The following MPHOSPH8 variants were observed in gnomAD, a reference collection of about 807,000 sequenced individuals.
MPHOSPH8 encodes M-phase phosphoprotein 8.
MPHOSPH8 carries 45 observed loss-of-function variants against 87.3 expected under a neutral mutation model. The observed-to-expected ratio is 0.52, with a 90% CI of 0.41 to 0.66. The LOEUF (loss-of-function observed/expected upper bound fraction) is 0.66, where lower values mean the gene tolerates loss of function less well. Among genes scored for constraint, MPHOSPH8 ranks in the 30% least tolerant of loss-of-function variants. The pLI is 0.00. For synonymous variants in MPHOSPH8, 366 were observed against 376.9 expected (o/e 0.97, Z 0.33); for missense variants, 883 against 1,020.2 (o/e 0.87, Z 1.83).
At position 19,633,913 on chromosome 13, in the gene MPHOSPH8, A is replaced by T. The variant is rs571555886; in HGVS notation, c.165A>T (p.Gly55=). ...AEAFGDSEED[G]EDVFEVEKIL... ...CCTTTGGCGACAGTGAGGAGGACGG[A>T]GAGGATGTGTTCGAGGTGGAGAAGA... The change falls in exon 1 of 14, where the codon GGA becomes GGT. Residue 55 remains glycine (G), a synonymous_variant. Coordinates refer to ENST00000361479, the MANE Select transcript of MPHOSPH8 (RefSeq NM_017520.4). 1 of 1,611,616 alleles carries T rather than the reference A, an allele frequency of 6.2e-7. No homozygotes were observed. The highest frequency in any genetic ancestry group is 1.3e-5 in the African/African-American group (1 of 75,020).
rs1393043453 is a variant in MPHOSPH8 at position 19,661,765 on chromosome 13, T to A, written c.1859T>A (p.Leu620His). 6.2e-7 allele frequency: 1 copy of A among 1,613,258 alleles called. No homozygotes were observed. The highest frequency in any genetic ancestry group is 1.1e-5 in the South Asian group (1 of 90,896). Residue 620 changes from leucine (L) to histidine (H), a missense_variant, in exon 8 of 14, where the codon CTC (leucine) becomes CAC (histidine). Coordinates refer to ENST00000361479, the MANE Select transcript of MPHOSPH8 (RefSeq NM_017520.4). ...AGGQDDLLRL[L>H]ITKGAKVNGR... ...GGGCAGGACGACCTCCTGCGACTCC[T>A]CATCACAAAAGGCGCGAAAGTGAAC...
intron 2 of MPHOSPH8, 77 bp from the exon 3 acceptor site, chr13:19,646,366 A>G (rs748566749): frequency 8.4e-7 from 1 of 1,194,452 alleles, no homozygotes; most frequent in Non-Finnish European, 1.1e-6. Context: ...TTCTTACCAA[A>G]TTTCATTAGT....
At chr13:19,651,618 C>CAGG (rs1874855827) in intron 5 of MPHOSPH8, among the ~76,000 whole-genome samples, 1 of 151,886 alleles carries the variant, frequency 6.6e-6, no homozygotes, top group Non-Finnish European at 1.5e-5. Context: ...TCAATAAGCC[C>CAGG]AGGAGTTTGA....
intron 4 of MPHOSPH8, 44 bp from the exon 5 acceptor site, chr13:19,649,959 A>G (rs1433046908): frequency 1.7e-5 from 25 of 1,445,554 alleles, no homozygotes; most frequent in Non-Finnish European, 2.2e-5. Context: ...TGTAACAGAA[A>G]TTTGTGACTC....
chr13:19,651,080 T>G (rs989999067), intron 5 of MPHOSPH8, among the ~76,000 whole-genome samples: 3 of 152,236 alleles, frequency 2.0e-5, no homozygotes, highest in African/African-American at 7.2e-5. Context: ...GGAACATCAG[T>G]AAAGCCAGAA....
chr13:19,672,111 T>C lies in MPHOSPH8; in HGVS notation c.*236T>C. ...TTCAGTTTTTCCACAATGTGGATAG[T>C]ACATATGAGGATTATTTAAGAAAAT... is the stretch of plus-strand genomic sequence containing the variant. On this transcript the variant is annotated 3_prime_UTR_variant, in exon 14 of 14. Coordinates refer to ENST00000361479, the MANE Select transcript of MPHOSPH8 (RefSeq NM_017520.4). 2.1e-6 allele frequency: 1 copy of C among 486,726 alleles called. No individual in the cohort carries two copies. 30.2% of individuals were successfully genotyped at this position (486,726 alleles called of 1,614,324 possible).
At chr13:19,661,900 AG>A in intron 8 of MPHOSPH8, 62 bp downstream of exon 8, 1 of 1,510,170 alleles carries the variant, frequency 6.6e-7, no homozygotes. Flanking sequence ...ATGGACTGAG[AG>A]GATCTCTTTG....
intron 5 of MPHOSPH8, among the ~76,000 whole-genome samples, chr13:19,655,823 G>T (rs1460468538): frequency 6.6e-6 from 1 of 152,152 alleles, no homozygotes. Context: ...ACGGGGAGGG[G>T]AAATAGCTGT....
rs1055565482 is a variant in MPHOSPH8 at position 19,657,219 on chromosome 13, G to C, written c.1577-1776G>C. 4.3e-4 allele frequency among the ~76,000 whole-genome samples: 62 copies of C among 143,120 alleles called. 1 individual carries two copies. Among genetic ancestry groups the C allele is most frequent in the African/African-American group, 1.6e-3 (60 of 38,498 alleles). 93.9% of individuals were successfully genotyped at this position (143,120 alleles called of 152,430 possible). ...AAATGTATATATGCCATTTTTATTA[G>C]AAAACAGTTTTAGGGTCCAGGCACG... On this transcript the variant is annotated intron_variant, in intron 5 of 13. Coordinates refer to ENST00000361479, the MANE Select transcript of MPHOSPH8 (RefSeq NM_017520.4).
intron 5 of MPHOSPH8, among the ~76,000 whole-genome samples, chr13:19,651,388 G>C (rs569673828): frequency 6.6e-6 from 1 of 152,060 alleles, no homozygotes; most frequent in African/African-American, 2.4e-5. Flanking sequence ...TTAGCTGGGC[G>C]TGGCAGTGTG....
At chr13:19,643,528 G>A (rs1874406442) in intron 2 of MPHOSPH8, among the ~76,000 whole-genome samples, 1 of 152,172 alleles carries the variant, frequency 6.6e-6, no homozygotes, top group Non-Finnish European at 1.5e-5. Flanking sequence ...GGGATTACAG[G>A]TGTGAGCCAC....
At chr13:19,643,673 A>G (rs911571783) in intron 2 of MPHOSPH8, among the ~76,000 whole-genome samples, 1 of 152,176 alleles carries the variant, frequency 6.6e-6, no homozygotes, top group Non-Finnish European at 1.5e-5. Context: ...TGGCACCAGT[A>G]CATTTTCAGA....
rs2137488002 is a variant in MPHOSPH8, at chr13:19,633,963, T to C, written c.213+2T>C. The C allele has an allele frequency of 6.2e-7, 1 of 1,602,964 alleles. No individual in the cohort carries two copies. Among genetic ancestry groups the C allele is most frequent in the African/African-American group, 1.3e-5 (1 of 74,074 alleles). On this transcript the variant is annotated splice_donor_variant, in intron 1 of 13. Transcript: ENST00000361479. LOFTEE classifies it high-confidence loss of function. ...ATCCTGGACATGAAGACCGAGGGGGTATGTGGAGGGGCCCCGGCGCGGGGC... is the reference window on the plus strand; with the variant it reads ...ATCCTGGACATGAAGACCGAGGGGGCATGTGGAGGGGCCCCGGCGCGGGGC...
intron 12 of MPHOSPH8, 83 bp downstream of exon 12, chr13:19,670,446 TTAA>T: frequency 6.9e-7 from 1 of 1,453,458 alleles, no homozygotes; most frequent in Non-Finnish European, 9.4e-7. Context: ...TTCCTGTGTC[TTAA>T]TAAAATATAA....
At position 19,658,249 on chromosome 13, in the gene MPHOSPH8, T is replaced by C. The variant is rs139074897; in HGVS notation, c.1577-746T>C. ...CAGGCCATCTGCCTAACATCATCTA[T>C]ATAGTTTGAGGAACTGGTTTCAGGT... On this transcript the variant is annotated intron_variant, in intron 5 of 13. Transcript: ENST00000361479. Among the ~76,000 whole-genome samples, 276 of 152,344 alleles carry C rather than the reference T, an allele frequency of 1.8e-3. 1 individual carries two copies. Among genetic ancestry groups the C allele is most frequent in the Non-Finnish European group, 3.0e-3 (206 of 68,012 alleles).
At chr13:19,661,929 T>C in intron 8 of MPHOSPH8, 91 bp downstream of exon 8, 1 of 1,369,654 alleles carries the variant, frequency 7.3e-7, no homozygotes. Flanking sequence ...AATATAGCAG[T>C]CACATGGTCA....
intron 2 of MPHOSPH8, among the ~76,000 whole-genome samples, chr13:19,645,434 C>G (rs1200977673): frequency 6.6e-6 from 1 of 151,508 alleles, no homozygotes; most frequent in Admixed American, 6.6e-5. Context: ...CACTTGTTAA[C>G]CTTGGTGGTG....
chr13:19,649,870 C>A, intron 4 of MPHOSPH8, 133 bp from the exon 5 acceptor site: 1 of 813,146 alleles, frequency 1.2e-6, no homozygotes, highest in Non-Finnish European at 1.9e-6. Flanking sequence ...TCAGACCAGG[C>A]TTTATAAGCA....
Position 19,660,548 on chromosome 13 carries a change from G to T in MPHOSPH8, c.1792-1150G>T, listed in dbSNP as rs79240592. Among the ~76,000 whole-genome samples the T allele has an allele frequency of 8.1e-3, 1,226 of 152,204 alleles. 13 individuals carry two copies. The highest frequency in any genetic ancestry group is 0.028 in the African/African-American group (1,166 of 41,520). On this transcript the variant is annotated intron_variant, in intron 7 of 13. Coordinates refer to ENST00000361479, the MANE Select transcript of MPHOSPH8 (RefSeq NM_017520.4). ...AATTGCATGAAATAATATAGATTGA[G>T]AATTGACATTTACTTTTTGCATCTT... is the stretch of plus-strand genomic sequence containing the variant.
Sources: allele counts gnomAD v4.1 joint callset (sites outside exome capture counted in the v4.1 genomes callset), GRCh38; gene constraint gnomAD v4.1.1; transcripts MANE v1.5; gene names NCBI Gene and HGNC (gene_info 2026-07-23, HGNC 2026-07-21).